LMX1A: variants seen among roughly 807,000 people sequenced by gnomAD.
LMX1A encodes the protein LIM homeobox transcription factor 1-alpha.
LMX1A carries 15 observed loss-of-function variants against 49.1 expected under a neutral mutation model. That is an observed-to-expected ratio of 0.31 (90% CI 0.20 to 0.47). The LOEUF is 0.47. Among genes scored for constraint, LMX1A ranks in the 20% least tolerant of loss-of-function variants. The pLI is 1.00. For synonymous variants in LMX1A, 167 were observed against 185.7 expected (o/e 0.90, Z 0.82); for missense variants, 372 against 475.8 (o/e 0.78, Z 2.03).
At chr1:165,259,181 A>C (rs1422878415) in intron 3 of LMX1A, among the ~76,000 whole-genome samples, 1 of 152,194 alleles carries the variant, frequency 6.6e-6, no homozygotes, top group East Asian at 1.9e-4. Flanking sequence ...AATCAAATCA[A>C]ACTTCAACCA....
In LMX1A at chr1:165,355,827, T is replaced by C. The variant is rs1656591058; in HGVS notation, c.-22-246A>G. On this transcript the variant is annotated intron_variant, in intron 1 of 8. Transcript: ENST00000342310. The surrounding 1 kb of genome is among the most constrained non-coding windows in gnomAD (Gnocchi z 4.7). ...CTTAGGCCTCCGCCCCCCAACTGCG[T>C]TTCTCCTTCTCCTGCCCCCCTCACC... 4.0e-6 allele frequency: 2 copies of C among 497,008 alleles called. No homozygotes were observed. The highest frequency in any genetic ancestry group is 3.5e-5 in the Admixed American group (1 of 28,792). 30.8% of individuals were successfully genotyped at this position (497,008 alleles called of 1,614,324 possible).
At chr1:165,289,035 T>C (rs951322735) in intron 3 of LMX1A, among the ~76,000 whole-genome samples, 1 of 152,200 alleles carries the variant, frequency 6.6e-6, no homozygotes, top group Non-Finnish European at 1.5e-5. Flanking sequence ...TGGCCCCTGC[T>C]GGGGGTGTCT....
At chr1:165,283,502 C>T (rs765759692) in intron 3 of LMX1A, among the ~76,000 whole-genome samples, 12 of 152,154 alleles carry the variant, frequency 7.9e-5, no homozygotes, top group Non-Finnish European at 1.6e-4. Context: ...CTTCCTCTTT[C>T]TCTTCTTTGT....
At chr1:165,278,629 G>A (rs984561022) in intron 3 of LMX1A, among the ~76,000 whole-genome samples, 3 of 151,984 alleles carry the variant, frequency 2.0e-5, no homozygotes, top group African/African-American at 4.8e-5. Flanking sequence ...CATAAACCCC[G>A]GGGACAGCCC....
intron 7 of LMX1A, 57 bp downstream of exon 7, chr1:165,208,006 C>T: frequency 1.3e-6 from 2 of 1,508,024 alleles, no homozygotes; most frequent in South Asian, 2.3e-5. Context: ...TGGGAGGCCT[C>T]TGGTAGGAAC....
intron 3 of LMX1A, among the ~76,000 whole-genome samples, chr1:165,307,216 G>A (rs766645690): frequency 4.9e-4 from 74 of 152,192 alleles, no homozygotes; most frequent in Non-Finnish European, 5.7e-4. Context: ...AAAGATAAAG[G>A]GAGAAAGAGA....
In LMX1A at chr1:165,355,804, T is replaced by C. The variant is rs1321919278; in HGVS notation, c.-22-223A>G. On this transcript the variant is annotated intron_variant, in intron 1 of 8. Transcript: ENST00000342310. The surrounding 1 kb of genome is among the most constrained non-coding windows in gnomAD (Gnocchi z 4.7). ...ACTTGAAGTCAACACGTTATGTACT[T>C]AGGCCTCCGCCCCCCAACTGCGTTT... 2.1e-5 allele frequency: 11 copies of C among 523,516 alleles called. No individual in the cohort carries two copies. The highest frequency in any genetic ancestry group is 3.4e-5 in the Non-Finnish European group (10 of 295,140). 32.4% of individuals were successfully genotyped at this position (523,516 alleles called of 1,614,324 possible). A position where few individuals can be genotyped will look rare whatever the true frequency, so the allele number is the denominator to read the frequency against.
chr1:165,331,264 A>G (rs1293997552), intron 3 of LMX1A, among the ~76,000 whole-genome samples: 3 of 152,228 alleles, frequency 2.0e-5, no homozygotes, highest in Non-Finnish European at 2.9e-5. Context: ...AGGAAATGAT[A>G]GGAAATACCA....
intron 3 of LMX1A, among the ~76,000 whole-genome samples, chr1:165,339,180 G>C (rs1417993872): frequency 6.6e-6 from 1 of 152,136 alleles, no homozygotes; most frequent in African/African-American, 2.4e-5. Context: ...CTCCAGTCTG[G>C]GGAAGTAAAC....
chr1:165,322,007 T>C (rs1655400786), intron 3 of LMX1A, among the ~76,000 whole-genome samples: 1 of 152,048 alleles, frequency 6.6e-6, no homozygotes, highest in African/African-American at 2.4e-5. Flanking sequence ...AACTTTAAAA[T>C]GGGCAAAGGA....
intron 3 of LMX1A, among the ~76,000 whole-genome samples, chr1:165,320,170 C>T (rs1426048317): frequency 6.6e-6 from 1 of 152,128 alleles, no homozygotes; most frequent in East Asian, 1.9e-4. Flanking sequence ...CTGTTCATGT[C>T]CTTTGTCCTT....
intron 4 of LMX1A, among the ~76,000 whole-genome samples, chr1:165,223,546 A>G (rs1253316346): frequency 1.3e-5 from 2 of 152,220 alleles, no homozygotes; most frequent in Non-Finnish European, 2.9e-5. Flanking sequence ...ATAAAGAATG[A>G]CTGCAGGAGT....
chr1:165,213,156 A>G (rs1427050137), intron 5 of LMX1A: 2 of 153,068 alleles, frequency 1.3e-5, no homozygotes, highest in Admixed American at 1.3e-4. Context: ...CAAACTAGAA[A>G]CAACCCCAAA....
Position 165,205,993 on chromosome 1 carries a change from T to C in LMX1A, c.859A>G (p.Met287Val). 6.3e-7 allele frequency: 1 copy of C among 1,598,862 alleles called. No individual in the cohort carries two copies. Among genetic ancestry groups the C allele is most frequent in the Non-Finnish European group, 8.5e-7 (1 of 1,173,034 alleles). ...GTGGGCAGAGCCGTGTAGGGGTTCA[T>C]GATTCCTTCCATCCCAGCACTCCCA... ...GGGSAGMEGI[M>V]NPYTALPTPQ... Residue 287 changes from methionine to valine, a missense_variant, in exon 8 of 9, where the codon ATG becomes GTG. Transcript: ENST00000342310.
At chr1:165,226,109 G>A (rs1652025461) in intron 4 of LMX1A, among the ~76,000 whole-genome samples, 2 of 152,118 alleles carry the variant, frequency 1.3e-5, no homozygotes, top group South Asian at 2.1e-4. Flanking sequence ...AACCTAAGAC[G>A]GGCAGGTGCA....
intron 3 of LMX1A, among the ~76,000 whole-genome samples, chr1:165,312,994 G>A (rs866575587): frequency 6.6e-6 from 1 of 152,154 alleles, no homozygotes; most frequent in East Asian, 1.9e-4. Flanking sequence ...CTCACACAAA[G>A]AGACTGAATA....
chr1:165,208,196 G>A, intron 6 of LMX1A, 64 bp from the exon 7 acceptor site: 2 of 1,493,964 alleles, frequency 1.3e-6, no homozygotes, highest in Non-Finnish European at 1.9e-6. Context: ...CAAAGTAAGG[G>A]GGGGCCTGGA....
intron 3 of LMX1A, among the ~76,000 whole-genome samples, chr1:165,293,824 G>A (rs1571206649): frequency 1.3e-5 from 2 of 151,804 alleles, no homozygotes; most frequent in East Asian, 3.9e-4. Flanking sequence ...CATTCAAGAG[G>A]GCTCAGGCCT....
At chr1:165,227,557 A>T (rs183025036) in intron 4 of LMX1A, among the ~76,000 whole-genome samples, 2 of 152,008 alleles carry the variant, frequency 1.3e-5, no homozygotes, top group East Asian at 3.9e-4. Flanking sequence ...ACATACGTAC[A>T]TACATACATA....
Sources: gnomAD v4.1 joint callset for allele counts (sites outside exome capture counted in the v4.1 genomes callset) on GRCh38, gnomAD v4.1.1 for gene constraint, Gnocchi (gnomAD v3.1) non-coding constraint, MANE v1.5 for transcripts, NCBI Gene and HGNC (gene_info 2026-07-23, HGNC 2026-07-21) for gene names.